KPNA3: variants seen among roughly 807,000 people sequenced by gnomAD.
The protein encoded by KPNA3 is karyopherin subunit alpha 3.
KPNA3 carries 13 observed loss-of-function variants against 73.8 expected under a neutral mutation model. The ratio of observed to expected loss-of-function variants is 0.18; its 90% CI spans 0.11 to 0.28. The LOEUF is 0.28. Ranked by LOEUF, KPNA3 falls within the 10% of genes least tolerant of loss-of-function variation. The pLI is 1.00. For missense variants in KPNA3, 360 were observed against 618.1 expected (o/e 0.58, Z 4.43); for synonymous variants, 186 against 206.9 (o/e 0.90, Z 0.87).
At chr13:49,790,640 G>C (rs1475377382) in intron 1 of KPNA3, among the ~76,000 whole-genome samples, 1 of 152,168 alleles carries the variant, frequency 6.6e-6, no homozygotes, top group Admixed American at 6.5e-5. Context: ...GTAATGTTGT[G>C]ACCAATACCA....
chr13:49,742,973 C>T (rs754243667), intron 2 of KPNA3, among the ~76,000 whole-genome samples: 76 of 151,894 alleles, frequency 5.0e-4, no homozygotes, highest in Non-Finnish European at 9.0e-4. Flanking sequence ...TAATCGACTA[C>T]ATAGCCACAA....
chr13:49,765,630 C>G (rs1954802477), intron 1 of KPNA3, among the ~76,000 whole-genome samples: 1 of 152,170 alleles, frequency 6.6e-6, no homozygotes, highest in African/African-American at 2.4e-5. Flanking sequence ...GCCACCGCGC[C>G]TGGCCTATAT....
chr13:49,745,461 G>A (rs1328882128), intron 2 of KPNA3, among the ~76,000 whole-genome samples: 1 of 151,148 alleles, frequency 6.6e-6, no homozygotes, highest in Non-Finnish European at 1.5e-5. Flanking sequence ...CAGGGTTCAA[G>A]CAATTCTCCA....
intron 1 of KPNA3, among the ~76,000 whole-genome samples, chr13:49,752,461 GT>G (rs1363456505): frequency 6.6e-6 from 1 of 152,132 alleles, no homozygotes; most frequent in Non-Finnish European, 1.5e-5. Context: ...GAAACAGAGT[GT>G]TGCTATTGAA....
At position 49,744,359 on chromosome 13, in the gene KPNA3, T is replaced by C. The variant is rs1374665656; in HGVS notation, c.114+2590A>G. Among the ~76,000 whole-genome samples the C allele has an allele frequency of 5.9e-5, 9 of 152,362 alleles. No individual in the cohort carries two copies. In the South Asian group the frequency reaches 1.9e-3, roughly 32 times the overall value. Reference sequence around the variant, plus strand: ...AAATATGATTACCAAAGTATTGTTGTGTCCATAAAGGAGTTGACAGGGAAT... The same window carrying C: ...AAATATGATTACCAAAGTATTGTTGCGTCCATAAAGGAGTTGACAGGGAAT... On this transcript the variant is annotated intron_variant, in intron 2 of 16. Transcript: ENST00000261667.
At chr13:49,786,856 A>C (rs148287192) in intron 1 of KPNA3, among the ~76,000 whole-genome samples, 1 of 152,348 alleles carries the variant, frequency 6.6e-6, no homozygotes, top group African/African-American at 2.4e-5. Context: ...GATATGAGAA[A>C]GATCAATCCA....
intron 15 of KPNA3, among the ~76,000 whole-genome samples, chr13:49,704,722 C>G (rs1451685221): frequency 6.6e-6 from 1 of 152,010 alleles, no homozygotes; most frequent in African/African-American, 2.4e-5. Flanking sequence ...AAGAATAATA[C>G]AGTATGTCAA....
chr13:49,762,121 C>CGCCCGGCCAGCCT (rs1248192492), intron 1 of KPNA3, among the ~76,000 whole-genome samples: 2 of 115,126 alleles, frequency 1.7e-5, no homozygotes, highest in Non-Finnish European at 3.2e-5. Flanking sequence ...GGGCAGCCCC[C>CGCCCGGCCAGCCT]GCCCGGCCAG....
At chr13:49,705,545 A>C (rs1323492503) in intron 15 of KPNA3, 76 bp downstream of exon 15, 51 of 1,414,118 alleles carry the variant, frequency 3.6e-5, no homozygotes, top group Non-Finnish European at 4.7e-5. Flanking sequence ...TTTTCTGTCT[A>C]GTAAGTTGAC....
At chr13:49,702,062 A>T (rs1954153494) in intron 16 of KPNA3, among the ~76,000 whole-genome samples, 164 bp from the exon 17 acceptor site, 1 of 152,238 alleles carries the variant, frequency 6.6e-6, no homozygotes, top group Non-Finnish European at 1.5e-5. Flanking sequence ...TTAACAATTT[A>T]AAATTTAACA....
At chr13:49,742,018 A>C (rs1279584904) in intron 2 of KPNA3, among the ~76,000 whole-genome samples, 1 of 152,170 alleles carries the variant, frequency 6.6e-6, no homozygotes, top group East Asian at 1.9e-4. Context: ...GTAGTTTTAC[A>C]GTTTCACATC....
At chr13:49,765,579 C>A (rs763718943) in intron 1 of KPNA3, among the ~76,000 whole-genome samples, 9 of 152,154 alleles carry the variant, frequency 5.9e-5, no homozygotes, top group Non-Finnish European at 1.2e-4. Flanking sequence ...TCAAGTGATC[C>A]TCCCATCTAT....
At chr13:49,732,577 TTC>T (rs769990893) in intron 5 of KPNA3, 26 bp downstream of exon 5, 3 of 1,564,514 alleles carry the variant, frequency 1.9e-6, no homozygotes, top group African/African-American at 2.7e-5. Flanking sequence ...AATGACATAA[TTC>T]TCTCTCTAGA....
intron 1 of KPNA3, among the ~76,000 whole-genome samples, chr13:49,771,323 G>T (rs1954853806): frequency 6.6e-6 from 1 of 152,128 alleles, no homozygotes; most frequent in Admixed American, 6.5e-5. Flanking sequence ...TTCTTTCAAT[G>T]AAGTTGTAGT....
chr13:49,721,615 C>T (rs1368597266), intron 9 of KPNA3, among the ~76,000 whole-genome samples: 3 of 152,010 alleles, frequency 2.0e-5, no homozygotes, highest in Non-Finnish European at 2.9e-5. Context: ...GTCAGGAGGT[C>T]GAGACCATCC....
At chr13:49,719,258 T>C (rs931316699) in intron 10 of KPNA3, among the ~76,000 whole-genome samples, 4 of 152,148 alleles carry the variant, frequency 2.6e-5, no homozygotes, top group African/African-American at 7.2e-5. Context: ...CTAAAAAGAC[T>C]GTAGCATAAA....
chr13:49,764,816 T>A (rs1204405753), intron 1 of KPNA3, among the ~76,000 whole-genome samples: 1 of 152,204 alleles, frequency 6.6e-6, no homozygotes, highest in Admixed American at 6.5e-5. Context: ...TGTTCTCTTT[T>A]GCCAAAATTT....
rs527568397 is a variant in KPNA3, at chr13:49,724,061, T to C, written c.469+1355A>G. Among the ~76,000 whole-genome samples, 3 of 152,240 alleles carry C rather than the reference T, an allele frequency of 2.0e-5. No homozygotes were observed. In the South Asian group the frequency reaches 6.2e-4, roughly 32 times the overall value. On this transcript the variant is annotated intron_variant, in intron 7 of 16. Transcript: ENST00000261667. The stretch of plus-strand genomic sequence containing the variant: ...ATCATACTGTGTTTTTTGGGGGGTC[T>C]GACTTCACTTAACATTCTTCAGGTT...
At position 49,708,474 on chromosome 13, in the gene KPNA3, C is replaced by CA. The variant is rs1260491174; in HGVS notation, c.1032+1097dup. 2.6e-5 allele frequency among the ~76,000 whole-genome samples: 4 copies of CA among 152,124 alleles called. No individual in the cohort carries two copies. In the South Asian group the frequency reaches 8.3e-4, roughly 31 times the overall value. ...AATGGAAAACGGTTTGGTGGTTCCTCAAAAAGCTAAACCCAGAATTAACAT... is the reference window on the plus strand; with the variant it reads ...AATGGAAAACGGTTTGGTGGTTCCTCAAAAAAGCTAAACCCAGAATTAACAT... On this transcript the variant is annotated intron_variant, in intron 12 of 16. Coordinates refer to ENST00000261667, the MANE Select transcript of KPNA3 (RefSeq NM_002267.4).
Sources: allele counts gnomAD v4.1 joint callset (sites outside exome capture counted in the v4.1 genomes callset), GRCh38; gene constraint gnomAD v4.1.1; transcripts MANE v1.5; gene names NCBI Gene and HGNC (gene_info 2026-07-23, HGNC 2026-07-21).